NELL2: variants seen among roughly 807,000 people sequenced by gnomAD.
NELL2 encodes the protein protein kinase C-binding protein NELL2.
A neutral mutation model predicts 109.6 loss-of-function variants in NELL2; 41 were observed. The observed-to-expected ratio is 0.37, with a 90% CI of 0.29 to 0.49. The LOEUF is 0.49. Ranked by LOEUF, NELL2 falls within the 20% of genes least tolerant of loss-of-function variation. The probability of loss-of-function intolerance (pLI) is 0.98; values close to 1 mark genes in which losing one functional copy is unlikely to be tolerated. For missense variants in NELL2, 900 were observed against 1,008.3 expected (o/e 0.89, Z 1.45); for synonymous variants, 355 against 344.7 (o/e 1.03, Z -0.33).
chr12:44,886,081 TAGTAAGGAAGGA>T (rs1361844103), intron 1 of NELL2, among the ~76,000 whole-genome samples: 57 of 107,886 alleles, frequency 5.3e-4, no homozygotes, highest in South Asian at 4.2e-3. Flanking sequence ...AACATCCATA[TAGTAAGGAAGGA>T]AGGAAGGAAG....
chr12:44,589,512 T>C (rs1282990569), intron 15 of NELL2, among the ~76,000 whole-genome samples: 1 of 152,016 alleles, frequency 6.6e-6, no homozygotes, highest in African/African-American at 2.4e-5. Context: ...GCCTCCCGAG[T>C]AGCTGGGACT....
intron 12 of NELL2, among the ~76,000 whole-genome samples, chr12:44,688,166 T>C (rs1343254672): frequency 6.6e-6 from 1 of 152,238 alleles, no homozygotes; most frequent in Non-Finnish European, 1.5e-5. Context: ...CTGGTTAGAA[T>C]ATTATTCAGA....
intron 2 of NELL2, among the ~76,000 whole-genome samples, chr12:44,824,217 T>C (rs1943631408): frequency 6.6e-6 from 1 of 152,238 alleles, no homozygotes; most frequent in Admixed American, 6.5e-5. Context: ...TTCTGTACAT[T>C]GTTTCTCCAC....
rs200688321 is a variant in NELL2 at position 44,619,614 on chromosome 12, G to T, written c.1445-8644C>A. 1.5e-4 allele frequency among the ~76,000 whole-genome samples: 17 copies of T among 115,622 alleles called. No individual in the cohort carries two copies. In the South Asian group the frequency reaches 6.1e-3, roughly 41 times the overall value. 75.9% of individuals were successfully genotyped at this position (115,622 alleles called of 152,430 possible). ...CTGAGAGAAGGAAGAGGAGAAAGAG[G>T]AGAAGAATGAGAAGGCGGCGGAAGA... On this transcript the variant is annotated intron_variant, in intron 13 of 19. Transcript: ENST00000429094.
At chr12:44,623,802 G>A (rs4768067) in intron 13 of NELL2, among the ~76,000 whole-genome samples, 43,912 of 151,916 alleles carry the variant, frequency 0.29, 6,584 homozygotes, top group East Asian at 0.5. Context: ...GAATAGAAAC[G>A]TGACCCGAAG....
At chr12:44,735,185 A>G (rs1939577666) in intron 9 of NELL2, among the ~76,000 whole-genome samples, 1 of 152,136 alleles carries the variant, frequency 6.6e-6, no homozygotes, top group Non-Finnish European at 1.5e-5. Context: ...CACTTGTATT[A>G]TATTAACTGT....
intron 13 of NELL2, among the ~76,000 whole-genome samples, chr12:44,642,448 G>A (rs1946897967): frequency 6.6e-6 from 1 of 152,202 alleles, no homozygotes; most frequent in South Asian, 2.1e-4. Flanking sequence ...GTAGAATGGT[G>A]GATGCTAGGA....
Position 44,626,850 on chromosome 12 carries a change from C to T in NELL2, c.1445-15880G>A, listed in dbSNP as rs1258673222. Reference sequence around the variant, plus strand: ...CAGCTTTTGACTATAAAGAAACAAACAAAACAAATGGATACCCACAATGAA... The same window carrying T: ...CAGCTTTTGACTATAAAGAAACAAATAAAACAAATGGATACCCACAATGAA... On this transcript the variant is annotated intron_variant, in intron 13 of 19. Transcript: ENST00000429094. Among the ~76,000 whole-genome samples the T allele has an allele frequency of 3.3e-5, 5 of 152,114 alleles. No homozygotes were observed. The South Asian group carries it at 8.3e-4, about 25-fold the overall frequency.
At chr12:44,758,944 A>G (rs1941007453) in intron 9 of NELL2, among the ~76,000 whole-genome samples, 1 of 152,164 alleles carries the variant, frequency 6.6e-6, no homozygotes, top group Non-Finnish European at 1.5e-5. Flanking sequence ...CATACCATGT[A>G]TTGCTTGAAC....
intron 3 of NELL2, among the ~76,000 whole-genome samples, chr12:44,795,977 A>G (rs1942607308): frequency 6.6e-6 from 1 of 152,094 alleles, no homozygotes; most frequent in Non-Finnish European, 1.5e-5. Flanking sequence ...AGTATAATGC[A>G]GCAATTTAAG....
At chr12:44,700,423 G>A (rs1949195248) in intron 12 of NELL2, among the ~76,000 whole-genome samples, 2 of 152,002 alleles carry the variant, frequency 1.3e-5, no homozygotes, top group African/African-American at 2.4e-5. Context: ...TTAATCTTTA[G>A]TGTGACCTTC....
rs547515659 is a variant in NELL2 at position 44,774,303 on chromosome 12, A to G, written c.994+444T>C. On this transcript the variant is annotated intron_variant, in intron 9 of 19. Transcript: ENST00000429094. Reference sequence around the variant, plus strand: ...TGAATGAAGGCCATGGCCCTTATCTACACTGGACAATCCTATAATAATGTG... The same window carrying G: ...TGAATGAAGGCCATGGCCCTTATCTGCACTGGACAATCCTATAATAATGTG... Among the ~76,000 whole-genome samples the G allele has an allele frequency of 3.3e-5, 5 of 152,282 alleles. No individual in the cohort carries two copies. In the East Asian group the frequency reaches 5.8e-4, roughly 18 times the overall value.
At chr12:44,841,627 G>A (rs1341840684) in intron 2 of NELL2, among the ~76,000 whole-genome samples, 1 of 151,946 alleles carries the variant, frequency 6.6e-6, no homozygotes, top group Non-Finnish European at 1.5e-5. Context: ...TCTTGCATAG[G>A]GTTCCCCAAG....
At chr12:44,530,676 A>G (rs1942009110) in intron 16 of NELL2, among the ~76,000 whole-genome samples, 1 of 152,150 alleles carries the variant, frequency 6.6e-6, no homozygotes, top group Non-Finnish European at 1.5e-5. Flanking sequence ...GCTTTAGGGG[A>G]AGCAAGCTCC....
chr12:44,625,017 T>TATAC (rs1946198897), intron 13 of NELL2, among the ~76,000 whole-genome samples: 1 of 145,652 alleles, frequency 6.9e-6, no homozygotes, highest in Admixed American at 6.9e-5. Flanking sequence ...TATATATATA[T>TATAC]ATATATATAT....
chr12:44,594,313 T>G (rs934183986), intron 15 of NELL2, among the ~76,000 whole-genome samples: 2 of 151,708 alleles, frequency 1.3e-5, no homozygotes, highest in Non-Finnish European at 2.9e-5. Context: ...TATATATATA[T>G]ATGTACACAA....
intron 9 of NELL2, among the ~76,000 whole-genome samples, chr12:44,714,965 A>C (rs935969395): frequency 9.9e-5 from 15 of 151,944 alleles, no homozygotes; most frequent in Middle Eastern, 3.2e-3. Flanking sequence ...GATAAAGGGC[A>C]ATGACATGTC....
chr12:44,871,933 T>C (rs143621242), intron 2 of NELL2, among the ~76,000 whole-genome samples: 2 of 152,316 alleles, frequency 1.3e-5, no homozygotes, highest in East Asian at 1.9e-4. Flanking sequence ...GAAGAAATTG[T>C]ATTAAACCAA....
chr12:44,628,624 C>T (rs1316329177), intron 13 of NELL2, among the ~76,000 whole-genome samples: 1 of 152,146 alleles, frequency 6.6e-6, no homozygotes, highest in Non-Finnish European at 1.5e-5. Flanking sequence ...CCCAGTGAGG[C>T]CCTATCTGAA....
Sources: allele counts gnomAD v4.1 joint callset (sites outside exome capture counted in the v4.1 genomes callset), GRCh38; gene constraint gnomAD v4.1.1; transcripts MANE v1.5; gene names NCBI Gene and HGNC (gene_info 2026-07-23, HGNC 2026-07-21).